The following WDR27 variants were observed in gnomAD, a reference collection of about 807,000 sequenced individuals.
The protein encoded by WDR27 is WD repeat domain 27.
A neutral mutation model predicts 114.4 loss-of-function variants in WDR27; 100 were observed. The observed-to-expected ratio is 0.87, with a 90% CI of 0.74 to 1.03. The LOEUF (loss-of-function observed/expected upper bound fraction) is 1.03. WDR27 is among the 50% of genes least tolerant of loss of function. The probability of loss-of-function intolerance (pLI) is 0.00; values close to 1 mark genes in which losing one functional copy is unlikely to be tolerated. For synonymous variants in WDR27, 449 were observed against 423.1 expected (o/e 1.06, Z -0.75); for missense variants, 1,129 against 1,092.9 (o/e 1.03, Z -0.47).
At chr6:169,503,814 T>A (rs376247363) in intron 25 of WDR27, among the ~76,000 whole-genome samples, 1 of 151,724 alleles carries the variant, frequency 6.6e-6, no homozygotes, top group South Asian at 2.1e-4. Flanking sequence ...CAATCTAGCA[T>A]GCCACTTCCA....
intron 25 of WDR27, among the ~76,000 whole-genome samples, chr6:169,466,606 G>T (rs1163632582): frequency 6.6e-6 from 1 of 152,156 alleles, no homozygotes; most frequent in Non-Finnish European, 1.5e-5. Flanking sequence ...TTCAAGATGA[G>T]ATTTGGGTGG....
chr6:169,650,908 C>T (rs1336797315), intron 14 of WDR27, among the ~76,000 whole-genome samples: 2 of 152,096 alleles, frequency 1.3e-5, no homozygotes, highest in Non-Finnish European at 2.9e-5. Context: ...GTCCAGGGTG[C>T]TGAGTGCTGT....
the WDR27 span, among the ~76,000 whole-genome samples, chr6:169,447,423 G>C: frequency 9.9e-5 from 15 of 152,136 alleles, no homozygotes; most frequent in Non-Finnish European, 1.8e-4. Context: ...GGAAATCTCT[G>C]GGTGGTCTTC....
rs1445302409 is a variant in WDR27, at chr6:169,645,053, A to T, written c.1658-1267T>A. Among the ~76,000 whole-genome samples the T allele has an allele frequency of 5.7e-5, 8 of 141,536 alleles. 1 individual carries two copies. The highest frequency in any genetic ancestry group is 1.1e-4 in the Non-Finnish European group (7 of 65,536). The allele number at this position is 141,536 out of a possible 152,430, so 92.9% of individuals were successfully genotyped here. On this transcript the variant is annotated intron_variant, in intron 16 of 25. Coordinates refer to ENST00000448612, the MANE Select transcript of WDR27 (RefSeq NM_182552.5). ...AAAAAAAATAAAAAAAAAAAAAAAA[A>T]AAAAAGAAAATCCTAGTTCACACGA...
chr6:169,632,502 C>T (rs1257095680), intron 21 of WDR27, among the ~76,000 whole-genome samples: 1 of 152,166 alleles, frequency 6.6e-6, no homozygotes, highest in African/African-American at 2.4e-5. Flanking sequence ...TGTAATGCCA[C>T]CCTTTAACCT....
At chr6:169,667,886 C>T (rs557238672) in intron 5 of WDR27, 96 bp downstream of exon 5, 14 of 1,185,622 alleles carry the variant, frequency 1.2e-5, no homozygotes, top group African/African-American at 7.7e-5. Flanking sequence ...ATCACTCAGG[C>T]GGCCGTGGCC....
intron 23 of WDR27, among the ~76,000 whole-genome samples, chr6:169,587,024 C>T (rs376638139): frequency 6.6e-6 from 1 of 151,522 alleles, no homozygotes. Context: ...TAAGGACAGC[C>T]CCGATCACAA....
At position 169,672,356 on chromosome 6, in the gene WDR27, A is replaced by G. The variant is rs377166351; in HGVS notation, c.230T>C (p.Met77Thr). Residue 77 changes from methionine (M) to threonine (T), a missense_variant, in exon 3 of 26, where the codon ATG becomes ACG. By Grantham distance (81) the Met-to-Thr change is moderately conservative. Transcript: ENST00000448612. ...TGGGTTCACTTTATTTCCAAAAGCC[A>G]TAGCAGTAATTGGCTGATGGTGTCC... is the stretch of plus-strand genomic sequence containing the variant. ...LRGHHQPITAMAFGNKVNPLL... is the reference protein window; with the variant it reads ...LRGHHQPITATAFGNKVNPLL... 2 of 1,611,444 alleles carry G rather than the reference A, an allele frequency of 1.2e-6. No individual in the cohort carries two copies. The highest frequency in any genetic ancestry group is 1.3e-5 in the African/African-American group (1 of 74,944).
At chr6:169,460,879 G>T (rs1348017930) in intron 25 of WDR27, among the ~76,000 whole-genome samples, 1 of 152,042 alleles carries the variant, frequency 6.6e-6, no homozygotes, top group Non-Finnish European at 1.5e-5. Flanking sequence ...AAGCAGACCT[G>T]CACAGTTTGA....
At chr6:169,545,173 T>A (rs1489719931) in intron 25 of WDR27, among the ~76,000 whole-genome samples, 1 of 152,114 alleles carries the variant, frequency 6.6e-6, no homozygotes, top group African/African-American at 2.4e-5. Context: ...GCCACACTAA[T>A]CAAGACAGTA....
intron 24 of WDR27, among the ~76,000 whole-genome samples, 178 bp downstream of exon 24, chr6:169,582,654 GTTTA>G (rs1267940766): frequency 2.0e-5 from 3 of 151,962 alleles, no homozygotes; most frequent in Non-Finnish European, 4.4e-5. Context: ...CACAATAAAG[GTTTA>G]TTTCTCTCTC....
At chr6:169,449,295 T>G in the WDR27 span, among the ~76,000 whole-genome samples, 1 of 152,206 alleles carries the variant, frequency 6.6e-6, no homozygotes, top group Non-Finnish European at 1.5e-5. Flanking sequence ...TTGAAATAGT[T>G]GATTTCAAAT....
the WDR27 span, among the ~76,000 whole-genome samples, chr6:169,430,705 G>T: frequency 6.6e-6 from 1 of 152,200 alleles, no homozygotes; most frequent in Non-Finnish European, 1.5e-5. Flanking sequence ...GCACAGAGCT[G>T]TCCTCATCTG....
At chr6:169,689,870 C>T (rs965590111) in intron 1 of WDR27, among the ~76,000 whole-genome samples, 1 of 152,244 alleles carries the variant, frequency 6.6e-6, no homozygotes, top group Non-Finnish European at 1.5e-5. Context: ...CCATGAGGCC[C>T]TCACACTGGT....
chr6:169,667,464 G>A, intron 5 of WDR27: 1 of 883,782 alleles, frequency 1.1e-6, no homozygotes, highest in Non-Finnish European at 1.4e-6. Flanking sequence ...CAGTTCCCAG[G>A]CACTTGGTCA....
chr6:169,502,633 G>A (rs1291048506), intron 25 of WDR27, among the ~76,000 whole-genome samples: 1 of 152,082 alleles, frequency 6.6e-6, no homozygotes, highest in Non-Finnish European at 1.5e-5. Context: ...CTCATCCTTC[G>A]GAGGCGGAAG....
chr6:169,642,819 T>C (rs1718473708), intron 17 of WDR27, among the ~76,000 whole-genome samples: 1 of 152,218 alleles, frequency 6.6e-6, no homozygotes, highest in Non-Finnish European at 1.5e-5. Flanking sequence ...ACCTCCGCGT[T>C]TCCTAATGAC....
rs375365155 is a variant in WDR27 at position 169,668,078 on chromosome 6, G to C, written c.564C>G (p.Ala188=). 2 of 1,613,904 alleles carry C rather than the reference G, an allele frequency of 1.2e-6. No individual in the cohort carries two copies. Among genetic ancestry groups the C allele is most frequent in the East Asian group, 4.5e-5 (2 of 44,894 alleles). The change falls in exon 5 of 26, where the codon GCC becomes GCG. Residue 188 remains alanine, a synonymous_variant. Coordinates refer to ENST00000448612, the MANE Select transcript of WDR27 (RefSeq NM_182552.5). ...HTFSQTQAVR[A]ELQGHLGPVT... Reference sequence around the variant, plus strand: ...CCGGGCCCAGGTGGCCCTGCAGCTCGGCCCGAACAGCCTGAGTCTGAGAGA... The same window carrying C: ...CCGGGCCCAGGTGGCCCTGCAGCTCCGCCCGAACAGCCTGAGTCTGAGAGA...
chr6:169,512,521 TTACTC>T (rs1225125260), intron 25 of WDR27, among the ~76,000 whole-genome samples: 3 of 152,214 alleles, frequency 2.0e-5, no homozygotes, highest in Non-Finnish European at 2.9e-5. Context: ...TTTAGCTACT[TTACTC>T]TAGAGGAGTC....
Sources: gnomAD v4.1 joint callset for allele counts (sites outside exome capture counted in the v4.1 genomes callset) on GRCh38, gnomAD v4.1.1 for gene constraint, MANE v1.5 for transcripts, NCBI Gene and HGNC (gene_info 2026-07-23, HGNC 2026-07-21) for gene names.